RSRC1: variants seen among roughly 807,000 people sequenced by gnomAD.
RSRC1 encodes the protein serine/Arginine-related protein 53.
Under a neutral mutation model 49.1 loss-of-function variants are expected in RSRC1, and 39 were observed. The observed-to-expected ratio is 0.79, with a 90% confidence interval of 0.61 to 1.04. The LOEUF (loss-of-function observed/expected upper bound fraction) is 1.04. RSRC1 is among the 50% of genes least tolerant of loss of function. The probability of loss-of-function intolerance (pLI) is 0.00; values close to 1 mark genes in which losing one functional copy is unlikely to be tolerated. For synonymous variants in RSRC1, 143 were observed against 130.8 expected (o/e 1.09, Z -0.63); for missense variants, 388 against 402.4 (o/e 0.96, Z 0.31).
intron 6 of RSRC1, among the ~76,000 whole-genome samples, chr3:158,453,771 T>C (rs1001139160): frequency 6.6e-6 from 1 of 152,134 alleles, no homozygotes; most frequent in African/African-American, 2.4e-5. Context: ...TTCTAATGTA[T>C]GGCCCTGTGG....
intron 6 of RSRC1, among the ~76,000 whole-genome samples, chr3:158,363,179 T>G (rs2108254667): frequency 6.6e-6 from 1 of 152,258 alleles, no homozygotes; most frequent in South Asian, 2.1e-4. Context: ...TCTGAAAGCT[T>G]AAATGACTTG....
At chr3:158,303,302 AAAG>A (rs1399404990) in intron 5 of RSRC1, 1 of 152,244 alleles carries the variant, frequency 6.6e-6, no homozygotes, top group African/African-American at 2.4e-5. Context: ...TTCTGGCTTG[AAAG>A]AAGGACAGCT....
intron 6 of RSRC1, among the ~76,000 whole-genome samples, chr3:158,447,116 C>T (rs889627401): frequency 2.6e-5 from 4 of 151,952 alleles, no homozygotes; most frequent in Non-Finnish European, 5.9e-5. Flanking sequence ...AGGATTAAAT[C>T]GAGGCATGGC....
At chr3:158,355,076 GC>G (rs1731087329) in intron 6 of RSRC1, 168 bp downstream of exon 6, 3 of 455,428 alleles carry the variant, frequency 6.6e-6, no homozygotes, top group Non-Finnish European at 1.2e-5. Flanking sequence ...AATATTTATT[GC>G]CGCAGTATAA....
intron 3 of RSRC1, among the ~76,000 whole-genome samples, chr3:158,159,873 A>G (rs762930775): frequency 7.2e-5 from 11 of 152,110 alleles, no homozygotes; most frequent in Non-Finnish European, 1.3e-4. Context: ...CCAAGCATTT[A>G]AAAGTAATAT....
intron 4 of RSRC1, among the ~76,000 whole-genome samples, chr3:158,223,418 GAAGAA>G (rs1488293839): frequency 6.6e-6 from 1 of 151,576 alleles, no homozygotes; most frequent in Non-Finnish European, 1.5e-5. Flanking sequence ...GGTACTTACA[GAAGAA>G]AAGAAAACAA....
At chr3:158,239,089 A>G (rs827169) in intron 4 of RSRC1, among the ~76,000 whole-genome samples, 90,726 of 152,040 alleles carry the variant, frequency 0.6, 27,366 homozygotes, top group East Asian at 0.73. Flanking sequence ...ACATTTATAC[A>G]GCCAACAGAC....
intron 4 of RSRC1, among the ~76,000 whole-genome samples, chr3:158,286,267 C>T (rs1271683758): frequency 1.3e-5 from 2 of 152,114 alleles, no homozygotes; most frequent in African/African-American, 4.8e-5. Flanking sequence ...TAAATTCTCC[C>T]TTGACTAAAG....
chr3:158,176,712 A>T (rs375456976), intron 3 of RSRC1, among the ~76,000 whole-genome samples: 3 of 152,228 alleles, frequency 2.0e-5, no homozygotes, highest in African/African-American at 7.2e-5. Flanking sequence ...AACCTAGGCA[A>T]TACCATTCAG....
chr3:158,520,538 A>G (rs1711598200), intron 7 of RSRC1, among the ~76,000 whole-genome samples: 1 of 152,130 alleles, frequency 6.6e-6, no homozygotes, highest in African/African-American at 2.4e-5. Context: ...ATTTGGGTCA[A>G]ATGACTTTCT....
At chr3:158,329,151 A>G (rs547320777) in intron 5 of RSRC1, among the ~76,000 whole-genome samples, 1 of 152,016 alleles carries the variant, frequency 6.6e-6, no homozygotes, top group South Asian at 2.1e-4. Flanking sequence ...ATCTTTTTTC[A>G]TGGTTTTTAT....
chr3:158,464,257 A>G (rs1737767291), intron 7 of RSRC1, among the ~76,000 whole-genome samples: 1 of 152,068 alleles, frequency 6.6e-6, no homozygotes. Flanking sequence ...GTATTTTTAT[A>G]TTTAATTTGG....
At chr3:158,497,447 T>A (rs1739389178) in intron 7 of RSRC1, among the ~76,000 whole-genome samples, 1 of 149,404 alleles carries the variant, frequency 6.7e-6, no homozygotes, top group Non-Finnish European at 1.5e-5. Context: ...TATCATTTTT[T>A]TTTTTTTGAG....
In RSRC1 at chr3:158,229,236, A is replaced by G. The variant is rs116703157; in HGVS notation, c.494+25991A>G. Among the ~76,000 whole-genome samples, 1,241 of 150,340 alleles carry G rather than the reference A, an allele frequency of 8.3e-3. 38 individuals are homozygous for G. The highest frequency in any genetic ancestry group is 0.029 in the African/African-American group (1,185 of 40,722). On this transcript the variant is annotated intron_variant, in intron 4 of 9. Coordinates refer to ENST00000611884, the MANE Select transcript of RSRC1 (RefSeq NM_001271838.2). The stretch of plus-strand genomic sequence containing the variant: ...TATACACACATACACGTATATGTGT[A>G]TGTATGTATATAAACATACATGTAT...
intron 3 of RSRC1, among the ~76,000 whole-genome samples, chr3:158,191,847 G>A (rs1197880048): frequency 6.6e-6 from 1 of 151,892 alleles, no homozygotes; most frequent in Non-Finnish European, 1.5e-5. Context: ...TTCTTCTTGA[G>A]GACCATTCAA....
intron 8 of RSRC1, among the ~76,000 whole-genome samples, chr3:158,542,512 GT>G (rs1713091105): frequency 6.6e-6 from 1 of 152,200 alleles, no homozygotes. Flanking sequence ...TCCCACCTGG[GT>G]GACAGAGTAA....
chr3:158,466,122 T>C (rs1417285004), intron 7 of RSRC1, among the ~76,000 whole-genome samples: 1 of 152,206 alleles, frequency 6.6e-6, no homozygotes, highest in Non-Finnish European at 1.5e-5. Context: ...TCAACCTGTT[T>C]CTCAGTTTCA....
At chr3:158,150,768 A>G (rs1479711501) in intron 3 of RSRC1, among the ~76,000 whole-genome samples, 2 of 152,140 alleles carry the variant, frequency 1.3e-5, no homozygotes, top group South Asian at 2.1e-4. Flanking sequence ...CGGGACTGCC[A>G]TGAGTTTTTC....
intron 3 of RSRC1, among the ~76,000 whole-genome samples, chr3:158,134,530 T>C (rs535793556): frequency 1.3e-5 from 2 of 152,338 alleles, no homozygotes; most frequent in South Asian, 4.1e-4. Context: ...TTTAGATTAG[T>C]CATTTTGAAT....
Sources: gnomAD v4.1 joint callset for allele counts (sites outside exome capture counted in the v4.1 genomes callset) on GRCh38, gnomAD v4.1.1 for gene constraint, MANE v1.5 for transcripts, NCBI Gene and HGNC (gene_info 2026-07-23, HGNC 2026-07-21) for gene names.